The following TBC1D30 variants were observed in gnomAD, a reference collection of about 807,000 sequenced individuals.
TBC1D30 encodes TBC1 domain family, member 30.
Under a neutral mutation model 63.2 loss-of-function variants are expected in TBC1D30, and 31 were observed. That is an observed-to-expected ratio of 0.49 (90% CI 0.37 to 0.66). The LOEUF is 0.66. Among genes scored for constraint, TBC1D30 ranks in the 30% least tolerant of loss-of-function variants. The probability of loss-of-function intolerance (pLI) is 0.00; values close to 1 mark genes in which losing one functional copy is unlikely to be tolerated. For missense variants in TBC1D30, 810 were observed against 953.6 expected (o/e 0.85, Z 1.98); for synonymous variants, 307 against 361.5 (o/e 0.85, Z 1.71).
Position 64,875,022 on chromosome 12 carries a change from T to C in TBC1D30, c.1520T>C (p.Ile507Thr). Reference sequence around the variant, plus strand: ...TCAGACAAAGGGCCAGTGACCAGCATTCTCCCGTCTCAGGTAAACAGTTCT... The same window carrying C: ...TCAGACAAAGGGCCAGTGACCAGCACTCTCCCGTCTCAGGTAAACAGTTCT... ...IRADKGPVTS[I>T]LPSQVNSSPV... The change falls in exon 12 of 12, where the codon ATT (isoleucine) becomes ACT (threonine). Residue 507 changes from isoleucine (I) to threonine (T), a missense_variant. By Grantham distance (89) the Ile-to-Thr change is moderately conservative. Coordinates refer to ENST00000539867, the MANE Select transcript of TBC1D30 (RefSeq NM_015279.2). 1 of 1,536,592 alleles carries C rather than the reference T, an allele frequency of 6.5e-7. No individual in the cohort carries two copies. The highest frequency in any genetic ancestry group is 2.4e-5 in the East Asian group (1 of 40,930).
chr12:64,864,705 T>A lies in TBC1D30; in HGVS notation c.1076T>A (p.Leu359Ter). ...YSMAPFPFPQ[L>*]AELREKYTYN... ...ATGGCTCCGTTCCCTTTCCCACAAT[T>A]GGCAGAGTTGAGGGAAAAATACACC... Residue 359 changes from leucine (L) to a stop codon, truncating the protein, a stop_gained, in exon 9 of 12, where the codon TTG (leucine) becomes TAG (stop). Coordinates refer to ENST00000539867, the MANE Select transcript of TBC1D30 (RefSeq NM_015279.2). LOFTEE classifies it high-confidence loss of function. 6.5e-7 allele frequency: 1 copy of A among 1,536,494 alleles called. No homozygotes were observed. The highest frequency in any genetic ancestry group is 8.7e-7 in the Non-Finnish European group (1 of 1,146,972).
chr12:64,815,787 T>C (rs1873489557), intron 2 of TBC1D30, among the ~76,000 whole-genome samples: 1 of 149,598 alleles, frequency 6.7e-6, no homozygotes, highest in African/African-American at 2.5e-5. Context: ...TGTAAGATTC[T>C]TTTTTTTTTC....
Position 64,876,842 on chromosome 12 carries a change from C to T in TBC1D30, c.*1054C>T, listed in dbSNP as rs1019745958. ...ACTCCTGCCCTTTCTAGCTCTCTCTCACCCAGCGGGTCAGGGATAGCACCT... is the reference window on the plus strand; with the variant it reads ...ACTCCTGCCCTTTCTAGCTCTCTCTTACCCAGCGGGTCAGGGATAGCACCT... On this transcript the variant is annotated 3_prime_UTR_variant, in exon 12 of 12. Coordinates refer to ENST00000539867, the MANE Select transcript of TBC1D30 (RefSeq NM_015279.2). 2 of 455,996 alleles carry T rather than the reference C, an allele frequency of 4.4e-6. No individual in the cohort carries two copies. The highest frequency in any genetic ancestry group is 2.3e-5 in the Admixed American group (1 of 42,568). 28.2% of individuals were successfully genotyped at this position (455,996 alleles called of 1,614,324 possible).
intron 8 of TBC1D30, among the ~76,000 whole-genome samples, chr12:64,852,739 A>G (rs1001829648): frequency 6.6e-6 from 1 of 152,136 alleles, no homozygotes; most frequent in African/African-American, 2.4e-5. Context: ...TCTAACAGTC[A>G]GGCCTCTCTG....
At chr12:64,833,790 G>T (rs1284685993) in intron 5 of TBC1D30, among the ~76,000 whole-genome samples, 3 of 152,052 alleles carry the variant, frequency 2.0e-5, no homozygotes, top group Non-Finnish European at 2.9e-5. Flanking sequence ...AGGGAGGAAG[G>T]CAGTGACAAA....
At chr12:64,836,080 C>G (rs1459386246) in intron 5 of TBC1D30, among the ~76,000 whole-genome samples, 1 of 152,112 alleles carries the variant, frequency 6.6e-6, no homozygotes, top group East Asian at 1.9e-4. Flanking sequence ...TTATGATAGG[C>G]CTGCTCTTAG....
intron 8 of TBC1D30, among the ~76,000 whole-genome samples, chr12:64,861,221 C>T (rs2136451235): frequency 6.6e-6 from 1 of 152,254 alleles, no homozygotes; most frequent in South Asian, 2.1e-4. Flanking sequence ...TCTTGTAAAG[C>T]ATATCAATAA....
chr12:64,858,623 T>A (rs1877514077), intron 8 of TBC1D30, among the ~76,000 whole-genome samples: 1 of 152,234 alleles, frequency 6.6e-6, no homozygotes. Flanking sequence ...TGATCCATAC[T>A]TACTGCTTTG....
chr12:64,847,267 T>A (rs1264726616), intron 8 of TBC1D30, among the ~76,000 whole-genome samples: 1 of 151,968 alleles, frequency 6.6e-6, no homozygotes, highest in African/African-American at 2.4e-5. Flanking sequence ...TTTATTTGGA[T>A]CTTCTCTCTT....
chr12:64,873,932 G>A (rs775897734), intron 11 of TBC1D30, among the ~76,000 whole-genome samples: 19 of 152,100 alleles, frequency 1.2e-4, no homozygotes, highest in Admixed American at 3.9e-4. Context: ...AAGGAAACTC[G>A]CACACAGAGG....
chr12:64,781,822 G>C (rs1369008295), intron 1 of TBC1D30, among the ~76,000 whole-genome samples: 1 of 151,944 alleles, frequency 6.6e-6, no homozygotes, highest in Non-Finnish European at 1.5e-5. Context: ...ATTTCTGCCA[G>C]AGCGTACGGT....
chr12:64,845,762 C>T (rs906399699), intron 8 of TBC1D30, among the ~76,000 whole-genome samples: 1 of 150,970 alleles, frequency 6.6e-6, no homozygotes, highest in East Asian at 2.0e-4. Context: ...TGGGTTCAAG[C>T]GATTCTCGTG....
At chr12:64,832,636 G>A (rs757344980) in intron 5 of TBC1D30, among the ~76,000 whole-genome samples, 17 of 152,166 alleles carry the variant, frequency 1.1e-4, no homozygotes, top group Admixed American at 3.3e-4. Context: ...GTTTCTTTGC[G>A]TCAGAAATCT....
At chr12:64,845,078 T>TG (rs1876243397) in intron 8 of TBC1D30, among the ~76,000 whole-genome samples, 1 of 152,218 alleles carries the variant, frequency 6.6e-6, no homozygotes, top group Non-Finnish European at 1.5e-5. Context: ...GCGAGAAACA[T>TG]GGGAGTGCAG....
At chr12:64,788,593 A>G (rs1021007757) in intron 2 of TBC1D30, among the ~76,000 whole-genome samples, 17 of 152,326 alleles carry the variant, frequency 1.1e-4, no homozygotes, top group African/African-American at 3.8e-4. Flanking sequence ...CTTGATTTAT[A>G]TAAGGACTGG....
chr12:64,791,585 G>A (rs35089990), intron 2 of TBC1D30, among the ~76,000 whole-genome samples: 3,604 of 152,230 alleles, frequency 0.024, 70 homozygotes, highest in Non-Finnish European at 0.039. Flanking sequence ...TGTGATCACA[G>A]TTCATTGCAA....
At chr12:64,848,020 C>G (rs1282220896) in intron 8 of TBC1D30, among the ~76,000 whole-genome samples, 1 of 151,264 alleles carries the variant, frequency 6.6e-6, no homozygotes, top group African/African-American at 2.4e-5. Context: ...GTCTATCTCT[C>G]TCTTTAGCTC....
Position 64,827,827 on chromosome 12 carries a change from TC to T in TBC1D30, c.155-7del. On this transcript the variant is annotated splice_region_variant and splice_polypyrimidine_tract_variant and intron_variant, in intron 1 of 11. Transcript: ENST00000539867. ...AAAATAACATCTATTTATGTATTTT[TC>T]TTTCAGGAGTTGATACCAAGTTGAA... 2 of 1,526,334 alleles carry T rather than the reference TC, an allele frequency of 1.3e-6. No individual in the cohort carries two copies. Among genetic ancestry groups the T allele is most frequent in the Non-Finnish European group, 1.8e-6 (2 of 1,140,028 alleles). The allele number at this position is 1,526,334 out of a possible 1,614,324, so 94.5% of individuals were successfully genotyped here. A position where few individuals can be genotyped will look rare whatever the true frequency, so the allele number is the denominator to read the frequency against.
At chr12:64,814,490 A>G (rs1024868664) in intron 2 of TBC1D30, among the ~76,000 whole-genome samples, 11 of 152,346 alleles carry the variant, frequency 7.2e-5, no homozygotes, top group African/African-American at 2.2e-4. Context: ...GAATTTTTAA[A>G]AAATACACTG....
Sources: allele counts gnomAD v4.1 joint callset (sites outside exome capture counted in the v4.1 genomes callset), GRCh38; gene constraint gnomAD v4.1.1; transcripts MANE v1.5; gene names NCBI Gene and HGNC (gene_info 2026-07-23, HGNC 2026-07-21).